KTN1: variants seen among roughly 807,000 people sequenced by gnomAD.
KTN1 encodes the protein kinectin 1.
A neutral mutation model predicts 222.5 loss-of-function variants in KTN1; 130 were observed. The ratio of observed to expected loss-of-function variants is 0.58; its 90% CI spans 0.51 to 0.68. The LOEUF is 0.68. KTN1 is among the 30% of genes least tolerant of loss of function. The probability of loss-of-function intolerance (pLI) is 0.00; values close to 1 mark genes in which losing one functional copy is unlikely to be tolerated. For synonymous variants in KTN1, 512 were observed against 496.3 expected (o/e 1.03, Z -0.42); for missense variants, 1,508 against 1,500.4 (o/e 1.01, Z -0.08).
intron 1 of KTN1, among the ~76,000 whole-genome samples, chr14:55,590,010 C>CA (rs976265136): frequency 1.1e-4 from 17 of 151,474 alleles, no homozygotes; most frequent in Middle Eastern, 3.2e-3. Flanking sequence ...CAAAACAAAA[C>CA]AAAAAAAACC....
intron 18 of KTN1, among the ~76,000 whole-genome samples, chr14:55,644,728 G>T (rs532024343): frequency 9.2e-5 from 14 of 152,046 alleles, no homozygotes; most frequent in African/African-American, 3.4e-4. Context: ...AAATTGTATT[G>T]CAGAATATAT....
intron 1 of KTN1, among the ~76,000 whole-genome samples, chr14:55,603,801 A>G (rs2036329568): frequency 6.6e-6 from 1 of 152,058 alleles, no homozygotes; most frequent in South Asian, 2.1e-4. Flanking sequence ...AGCCTTAACC[A>G]TGTCCCTGCC....
intron 1 of KTN1, among the ~76,000 whole-genome samples, chr14:55,598,210 C>A (rs1019764725): frequency 6.6e-6 from 1 of 151,988 alleles, no homozygotes; most frequent in African/African-American, 2.4e-5. Context: ...CCGAAGCGGG[C>A]GGATCACGAG....
At chr14:55,678,783 G>A (rs2078760421) in intron 42 of KTN1, 2 of 252,502 alleles carry the variant, frequency 7.9e-6, no homozygotes, top group Non-Finnish European at 1.5e-5. Context: ...ATCAGTGGCA[G>A]CATTAGATTC....
intron 1 of KTN1, among the ~76,000 whole-genome samples, chr14:55,611,613 A>G (rs2037589727): frequency 6.6e-6 from 1 of 152,150 alleles, no homozygotes; most frequent in South Asian, 2.1e-4. Flanking sequence ...ATGAATGTCC[A>G]TTGAGTTGGT....
At chr14:55,597,692 A>G (rs565444057) in intron 1 of KTN1, among the ~76,000 whole-genome samples, 5 of 152,180 alleles carry the variant, frequency 3.3e-5, no homozygotes, top group South Asian at 2.1e-4. Context: ...CATCTCTACT[A>G]AAAATACAAA....
chr14:55,657,046 T>A (rs2043556623), intron 29 of KTN1, among the ~76,000 whole-genome samples: 1 of 152,180 alleles, frequency 6.6e-6, no homozygotes, highest in Non-Finnish European at 1.5e-5. Flanking sequence ...AATGTGTAGA[T>A]GCCTACATTG....
chr14:55,675,637 G>GTT, intron 40 of KTN1, 198 bp from the exon 41 acceptor site: 1 of 419,174 alleles, frequency 2.4e-6, no homozygotes, highest in Non-Finnish European at 4.2e-6. Context: ...GTTCATTTCT[G>GTT]TGGCTTTTCT....
intron 9 of KTN1, among the ~76,000 whole-genome samples, 159 bp from the exon 10 acceptor site, chr14:55,636,290 G>A (rs974827507): frequency 6.6e-6 from 1 of 152,188 alleles, no homozygotes; most frequent in Non-Finnish European, 1.5e-5. Flanking sequence ...CTTTTAGACT[G>A]TGTGTATCTG....
intron 21 of KTN1, 143 bp downstream of exon 21, chr14:55,649,013 A>C: frequency 1.6e-6 from 1 of 616,082 alleles, no homozygotes; most frequent in Non-Finnish European, 2.9e-6. Context: ...GTAACCTCGA[A>C]CTCCTGGGCT....
At chr14:55,584,135 C>G (rs1225722581) in intron 1 of KTN1, among the ~76,000 whole-genome samples, 1 of 152,212 alleles carries the variant, frequency 6.6e-6, no homozygotes, top group Admixed American at 6.5e-5. Flanking sequence ...GTGACTTTCT[C>G]TATGCACAGT....
At chr14:55,624,501 C>CTTGTG (rs529806392) in intron 5 of KTN1, among the ~76,000 whole-genome samples, 8 of 152,282 alleles carry the variant, frequency 5.3e-5, no homozygotes, top group Admixed American at 3.3e-4. Flanking sequence ...TTTTAGGCAT[C>CTTGTG]CCTTGTGCCA....
intron 3 of KTN1, among the ~76,000 whole-genome samples, chr14:55,617,474 A>G (rs2038550897): frequency 6.6e-6 from 1 of 151,750 alleles, no homozygotes; most frequent in Admixed American, 6.6e-5. Context: ...TAGATGTGCC[A>G]TGGAAATTAG....
intron 12 of KTN1, among the ~76,000 whole-genome samples, chr14:55,638,964 A>G (rs555593663): frequency 1.4e-4 from 21 of 151,922 alleles, no homozygotes; most frequent in African/African-American, 4.8e-4. Context: ...GTTTTATTCT[A>G]AATGTCTTGT....
intron 5 of KTN1, among the ~76,000 whole-genome samples, chr14:55,624,460 G>T (rs1464127425): frequency 6.6e-6 from 1 of 152,180 alleles, no homozygotes; most frequent in African/African-American, 2.4e-5. Context: ...ACTTTGTAGA[G>T]AGTAGAGGAT....
chr14:55,649,858 ATTT>A, intron 22 of KTN1, 45 bp downstream of exon 22: 2 of 1,001,478 alleles, frequency 2.0e-6, no homozygotes, highest in Non-Finnish European at 2.9e-6. Context: ...TCTTTGGTCC[ATTT>A]TTTTTTTGTG....
intron 35 of KTN1, 49 bp from the exon 36 acceptor site, chr14:55,671,517 A>C (rs1357951440): frequency 7.0e-7 from 1 of 1,420,182 alleles, no homozygotes; most frequent in East Asian, 2.3e-5. Context: ...TTGAAGCATA[A>C]AACTTTCTGG....
Position 55,637,362 on chromosome 14 carries a change from C to A in KTN1, c.1714C>A (p.Gln572Lys). ...AGAAGAGTCTCTACAAATGCAGGTT[C>A]AGGTATTTTTTCTTCTTTTTTTTTT... ...NKEESLQMQV[Q>K]DILEQNEALK... is the part of the protein sequence containing the mutation. The change falls in exon 11 of 44, where the codon CAG becomes AAG. Residue 572 changes from glutamine (Q) to lysine (K), a missense_variant and splice_region_variant. Physicochemically the swap from Gln to Lys is moderately conservative, Grantham distance 53. Coordinates refer to ENST00000395314, the MANE Select transcript of KTN1 (RefSeq NM_001079521.2). The A allele has an allele frequency of 2.6e-6, 4 of 1,535,070 alleles. No individual in the cohort carries two copies. The highest frequency in any genetic ancestry group is 2.5e-5 in the South Asian group (2 of 79,440).
At chr14:55,605,383 G>A (rs891846467) in intron 1 of KTN1, among the ~76,000 whole-genome samples, 2 of 152,044 alleles carry the variant, frequency 1.3e-5, no homozygotes, top group Non-Finnish European at 2.9e-5. Context: ...GTTCATGATG[G>A]CTTATCACGT....
Sources: allele counts gnomAD v4.1 joint callset (sites outside exome capture counted in the v4.1 genomes callset), GRCh38; gene constraint gnomAD v4.1.1; transcripts MANE v1.5; gene names NCBI Gene and HGNC (gene_info 2026-07-23, HGNC 2026-07-21).